The following CNTN5 variants were observed in gnomAD, a reference collection of about 807,000 sequenced individuals.
The protein encoded by CNTN5 is contactin-5.
Under a neutral mutation model 129.1 loss-of-function variants are expected in CNTN5, and 77 were observed. The observed-to-expected ratio is 0.60, with a 90% CI of 0.50 to 0.72. The LOEUF is 0.72. Ranked by LOEUF, CNTN5 falls within the 30% of genes least tolerant of loss-of-function variation. The pLI, the probability that CNTN5 is intolerant of heterozygous loss-of-function variation, is 0.00. For synonymous variants in CNTN5, 509 were observed against 465.6 expected (o/e 1.09, Z -1.20); for missense variants, 1,478 against 1,328.8 (o/e 1.11, Z -1.75).
At chr11:100,211,999 C>T (rs954383937) in intron 15 of CNTN5, among the ~76,000 whole-genome samples, 1 of 152,064 alleles carries the variant, frequency 6.6e-6, no homozygotes, top group East Asian at 1.9e-4. Context: ...GGATGACTTT[C>T]CCCCTACTTT....
chr11:99,818,066 A>C (rs1946651038), intron 3 of CNTN5, among the ~76,000 whole-genome samples: 1 of 152,202 alleles, frequency 6.6e-6, no homozygotes, highest in Non-Finnish European at 1.5e-5. Context: ...TTTGATGCTT[A>C]ACACCTAAAG....
intron 7 of CNTN5, among the ~76,000 whole-genome samples, chr11:99,942,128 C>T (rs1432797927): frequency 6.6e-6 from 1 of 152,074 alleles, no homozygotes. Context: ...GGTAACATAA[C>T]ACTCTTTTCA....
intron 1 of CNTN5, among the ~76,000 whole-genome samples, chr11:99,193,366 G>A (rs1449435823): frequency 2.0e-5 from 3 of 152,140 alleles, no homozygotes; most frequent in Non-Finnish European, 4.4e-5. Flanking sequence ...ATGAGCATGG[G>A]AATTGTGCAC....
chr11:99,860,991 T>C (rs1948187782), intron 6 of CNTN5, among the ~76,000 whole-genome samples: 1 of 139,000 alleles, frequency 7.2e-6, no homozygotes, highest in African/African-American at 2.7e-5. Flanking sequence ...AGTCTCGCTC[T>C]GTCGCCCAGG....
At chr11:100,052,533 T>C (rs1280951895) in intron 9 of CNTN5, among the ~76,000 whole-genome samples, 1 of 151,804 alleles carries the variant, frequency 6.6e-6, no homozygotes, top group Non-Finnish European at 1.5e-5. Context: ...ACTGAGAATT[T>C]GCATAACATT....
chr11:99,554,276 T>G (rs999740209), intron 2 of CNTN5, among the ~76,000 whole-genome samples: 1 of 152,128 alleles, frequency 6.6e-6, no homozygotes, highest in Non-Finnish European at 1.5e-5. Context: ...GACTTATTTA[T>G]CCATGTGTTC....
intron 4 of CNTN5, among the ~76,000 whole-genome samples, chr11:99,838,645 G>T (rs906577833): frequency 3.3e-5 from 5 of 152,136 alleles, no homozygotes; most frequent in African/African-American, 7.2e-5. Flanking sequence ...CTTTACAAAG[G>T]GAGGATCCAC....
At chr11:99,740,107 A>G (rs1025695863) in intron 3 of CNTN5, among the ~76,000 whole-genome samples, 2 of 152,204 alleles carry the variant, frequency 1.3e-5, no homozygotes, top group African/African-American at 4.8e-5. Context: ...AATCTTGAGG[A>G]AGAATGATTT....
chr11:99,944,083 A>C (rs554180196), intron 7 of CNTN5, among the ~76,000 whole-genome samples: 2 of 151,956 alleles, frequency 1.3e-5, no homozygotes, highest in African/African-American at 2.4e-5. Flanking sequence ...AAGAAAGTCA[A>C]TGATAGCTTG....
intron 17 of CNTN5, among the ~76,000 whole-genome samples, chr11:100,258,255 A>G (rs572124722): frequency 6.6e-6 from 1 of 152,310 alleles, no homozygotes; most frequent in East Asian, 1.9e-4. Context: ...ATGAAAAGGA[A>G]CAAACAAAGC....
chr11:99,657,778 A>C (rs1022598331), intron 3 of CNTN5, among the ~76,000 whole-genome samples: 3 of 152,130 alleles, frequency 2.0e-5, no homozygotes, highest in Non-Finnish European at 4.4e-5. Flanking sequence ...CACATTTGAC[A>C]CATTGAGCAG....
At chr11:100,080,661 G>T (rs1944326819) in intron 13 of CNTN5, among the ~76,000 whole-genome samples, 1 of 152,072 alleles carries the variant, frequency 6.6e-6, no homozygotes, top group Admixed American at 6.6e-5. Context: ...CCACCTACAT[G>T]CTGGGTTTGC....
chr11:99,050,899 T>C (rs2135174266), intron 1 of CNTN5, among the ~76,000 whole-genome samples: 1 of 152,082 alleles, frequency 6.6e-6, no homozygotes, highest in African/African-American at 2.4e-5. Context: ...ATAACAATTA[T>C]TATGTATGTT....
intron 3 of CNTN5, among the ~76,000 whole-genome samples, chr11:99,592,160 A>C (rs1949999343): frequency 6.6e-6 from 1 of 152,190 alleles, no homozygotes; most frequent in Non-Finnish European, 1.5e-5. Context: ...TGGATATATA[A>C]GTCTGGAGTC....
At chr11:99,145,141 C>T (rs12284925) in intron 1 of CNTN5, among the ~76,000 whole-genome samples, 5,585 of 152,178 alleles carry the variant, frequency 0.037, 353 homozygotes, top group African/African-American at 0.13. Context: ...GTGATCTCAG[C>T]TCGCTACAAC....
At chr11:99,391,496 C>T (rs1325298458) in intron 2 of CNTN5, among the ~76,000 whole-genome samples, 1 of 152,140 alleles carries the variant, frequency 6.6e-6, no homozygotes, top group East Asian at 1.9e-4. Flanking sequence ...GATCTCATCA[C>T]ATATGTGGAC....
chr11:99,149,102 G>A (rs1859925126), intron 1 of CNTN5, among the ~76,000 whole-genome samples: 1 of 152,038 alleles, frequency 6.6e-6, no homozygotes, highest in African/African-American at 2.4e-5. Flanking sequence ...TTTTATCTAT[G>A]GTCTAAATTT....
intron 3 of CNTN5, among the ~76,000 whole-genome samples, chr11:99,643,816 G>A (rs912669027): frequency 6.7e-5 from 10 of 148,556 alleles, no homozygotes; most frequent in African/African-American, 9.9e-5. Context: ...ATGAAATAAT[G>A]TTTCCTATGT....
chr11:99,944,083 A>G (rs554180196), intron 7 of CNTN5, among the ~76,000 whole-genome samples: 14 of 152,072 alleles, frequency 9.2e-5, no homozygotes, highest in Middle Eastern at 6.8e-3. Context: ...AAGAAAGTCA[A>G]TGATAGCTTG....
Sources: allele counts gnomAD v4.1 joint callset (sites outside exome capture counted in the v4.1 genomes callset), GRCh38; gene constraint gnomAD v4.1.1; transcripts MANE v1.5; gene names NCBI Gene and HGNC (gene_info 2026-07-23, HGNC 2026-07-21).